MS4A8: variants seen among roughly 807,000 people sequenced by gnomAD.
The protein encoded by MS4A8 is membrane-spanning 4-domains subfamily A member 8.
A neutral mutation model predicts 23.7 loss-of-function variants in MS4A8; 27 were observed. That is an observed-to-expected ratio of 1.14 (90% CI 0.84 to 1.57). The LOEUF is 1.57. MS4A8 is among the 40% of genes most tolerant of loss of function. MS4A8 has a pLI of 0.00. For synonymous variants in MS4A8, 138 were observed against 126.3 expected (o/e 1.09, Z -0.62); for missense variants, 301 against 311.4 (o/e 0.97, Z 0.25).
rs200488492 is a variant in MS4A8, at chr11:60,703,408, A to G, written c.250A>G (p.Ile84Val). Residue 84 changes from isoleucine to valine, a missense_variant, in exon 3 of 7, where the codon ATC becomes GTC. Transcript: ENST00000300226. ...AIQIIIGLAHIGLGSIMATVL... is the reference protein window; with the variant it reads ...AIQIIIGLAHVGLGSIMATVL... ...CCAGATCATCATTGGCCTGGCTCAC[A>G]TCGGCCTCGGCTCCATCATGGCGAC... The G allele has an allele frequency of 6.9e-6, 11 of 1,602,400 alleles. No homozygotes were observed. In the East Asian group the frequency reaches 2.5e-4, roughly 37 times the overall value.
intron 5 of MS4A8, among the ~76,000 whole-genome samples, chr11:60,710,302 A>G (rs1034157112): frequency 4.6e-4 from 70 of 152,140 alleles, no homozygotes; most frequent in African/African-American, 1.7e-3. Context: ...CCAATGGTCA[A>G]CTCAATAGCT....
Position 60,715,098 on chromosome 11 carries a change from CT to C in MS4A8, c.615del (p.Phe205LeufsTer13). The C allele has an allele frequency of 6.2e-7, 1 of 1,614,168 alleles. No homozygotes were observed. Among genetic ancestry groups the C allele is most frequent in the Non-Finnish European group, 8.5e-7 (1 of 1,180,008 alleles). ...TTGGCATCGCATGCGCATCTTCCCA[CT>C]TTGGCTGCCAGTTGGTCTGCTGTCA... ...EFGIACASSH[F>X]GCQLVCCQSS... On this transcript the variant is annotated frameshift_variant, in exon 6 of 7. Transcript: ENST00000300226. LOFTEE classifies it low-confidence loss of function (END_TRUNC).
At chr11:60,710,777 C>G (rs1257053063) in intron 5 of MS4A8, among the ~76,000 whole-genome samples, 1 of 152,222 alleles carries the variant, frequency 6.6e-6, no homozygotes, top group East Asian at 1.9e-4. Flanking sequence ...CCCCCCGCCC[C>G]TGGCTCTGCT....
intron 5 of MS4A8, among the ~76,000 whole-genome samples, chr11:60,711,314 T>A (rs1242451363): frequency 2.6e-5 from 4 of 152,182 alleles, no homozygotes; most frequent in Admixed American, 2.6e-4. Context: ...CCAGATCCTT[T>A]TATCTTCAAG....
rs534071402 is a variant in MS4A8 at position 60,713,610 on chromosome 11, A to G, written c.535-1411A>G. Among the ~76,000 whole-genome samples the G allele has an allele frequency of 3.9e-5, 6 of 152,264 alleles. No individual in the cohort carries two copies. In the East Asian group the frequency reaches 7.7e-4, roughly 20 times the overall value. On this transcript the variant is annotated intron_variant, in intron 5 of 6. Transcript: ENST00000300226. ...AATATACAATGGACTTTACACCGAGACATTCCATTGCCCAGAGACGAGCAG... is the reference window on the plus strand; with the variant it reads ...AATATACAATGGACTTTACACCGAGGCATTCCATTGCCCAGAGACGAGCAG...
intron 4 of MS4A8, among the ~76,000 whole-genome samples, chr11:60,708,008 T>G (rs192911122): frequency 2.0e-5 from 3 of 151,460 alleles, no homozygotes; most frequent in Non-Finnish European, 4.4e-5. Flanking sequence ...TATTGTATTT[T>G]TTGTATTTTT....
Position 60,715,557 on chromosome 11 carries a change from A to G in MS4A8, c.*143A>G, listed in dbSNP as rs774679907. On this transcript the variant is annotated 3_prime_UTR_variant, in exon 7 of 7. Transcript: ENST00000300226. ...TTTGTACTCTCACCTTCATTCTTCAATTCAGTCTAGGAAACCATGCTGTTT... is the reference window on the plus strand; with the variant it reads ...TTTGTACTCTCACCTTCATTCTTCAGTTCAGTCTAGGAAACCATGCTGTTT... The G allele has an allele frequency of 9.7e-5, 62 of 636,344 alleles. No individual in the cohort carries two copies. Among genetic ancestry groups the G allele is most frequent in the Non-Finnish European group, 1.5e-4 (53 of 364,688 alleles). 39.4% of individuals were successfully genotyped at this position (636,344 alleles called of 1,614,324 possible). A position where few individuals can be genotyped will look rare whatever the true frequency, so the allele number is the denominator to read the frequency against.
chr11:60,701,136 G>A, intron 2 of MS4A8, 57 bp downstream of exon 2: 1 of 1,511,486 alleles, frequency 6.6e-7, no homozygotes, highest in Non-Finnish European at 9.2e-7. Context: ...GATGGCAGGG[G>A]GAAGGGAAGG....
At chr11:60,707,560 T>C (rs1348446985) in intron 4 of MS4A8, among the ~76,000 whole-genome samples, 1 of 152,286 alleles carries the variant, frequency 6.6e-6, no homozygotes, top group East Asian at 1.9e-4. Flanking sequence ...GACCAAGAAA[T>C]ACCTTCATTT....
In MS4A8 at chr11:60,713,911, T is replaced by TAACAAGCGTGCTGCCTTCAAGCA. The variant is rs1565054187; in HGVS notation, c.535-1110_535-1109insAACAAGCGTGCTGCCTTCAAGCA. On this transcript the variant is annotated intron_variant, in intron 5 of 6. Transcript: ENST00000300226. Reference sequence around the variant, plus strand: ...GAGATTAGGGAGTGGTGATGACTCTTTTTTTTTTTTTTTTTTTTTTTTTTG... The same window carrying TAACAAGCGTGCTGCCTTCAAGCA: ...GAGATTAGGGAGTGGTGATGACTCTTAACAAGCGTGCTGCCTTCAAGCATTTTTTTTTTTTTTTTTTTTTTTTG... Among the ~76,000 whole-genome samples the TAACAAGCGTGCTGCCTTCAAGCA allele has an allele frequency of 1.5e-3, 171 of 114,618 alleles. 2 individuals are homozygous for TAACAAGCGTGCTGCCTTCAAGCA. The highest frequency in any genetic ancestry group is 6.6e-3 in the African/African-American group (162 of 24,402). 75.2% of individuals were successfully genotyped at this position (114,618 alleles called of 152,430 possible). A position where few individuals can be genotyped will look rare whatever the true frequency, so the allele number is the denominator to read the frequency against.
Position 60,715,294 on chromosome 11 carries a change from T to C in MS4A8, c.649-16T>C, listed in dbSNP as rs1217708107. ...CGTCCTTCTTAGCATGCCCCCTGTG[T>C]GCCTGTGTTTTCCAGGTGAGTGTCA... is the stretch of plus-strand genomic sequence containing the variant. On this transcript the variant is annotated splice_polypyrimidine_tract_variant and intron_variant, in intron 6 of 6. Coordinates refer to ENST00000300226, the MANE Select transcript of MS4A8 (RefSeq NM_031457.2). 3 of 1,611,020 alleles carry C rather than the reference T, an allele frequency of 1.9e-6. No individual in the cohort carries two copies. Among genetic ancestry groups the C allele is most frequent in the African/African-American group, 2.7e-5 (2 of 74,856 alleles).
At chr11:60,715,172 C>T (rs1188347251) in intron 6 of MS4A8, 38 bp downstream of exon 6, 1 of 1,551,366 alleles carries the variant, frequency 6.4e-7, no homozygotes, top group Admixed American at 1.7e-5. Flanking sequence ...GAAAGATGCC[C>T]CCAAAAAGGT....
At chr11:60,701,674 G>C (rs1052328889) in intron 2 of MS4A8, 2 of 171,938 alleles carry the variant, frequency 1.2e-5, no homozygotes, top group Non-Finnish European at 2.5e-5. Flanking sequence ...AGGGAAATTT[G>C]TATCTGCCAA....
chr11:60,713,941 G>A (rs1409485788), intron 5 of MS4A8, among the ~76,000 whole-genome samples: 9 of 126,656 alleles, frequency 7.1e-5, no homozygotes, highest in South Asian at 2.4e-4. Context: ...TTTTTGAGAC[G>A]GAGTCTCGCT....
chr11:60,703,289 A>G, intron 2 of MS4A8, 89 bp from the exon 3 acceptor site: 7 of 1,378,906 alleles, frequency 5.1e-6, no homozygotes, highest in Non-Finnish European at 6.7e-6. Context: ...CCATGAAAAT[A>G]AAACATTTAT....
At chr11:60,709,155 G>A (rs952467844) in intron 5 of MS4A8, 4 of 254,220 alleles carry the variant, frequency 1.6e-5, no homozygotes, top group East Asian at 1.2e-4. Context: ...AGCAGTTAAG[G>A]TTTTGCAGGC....
chr11:60,715,174 C>T (rs2088332447), intron 6 of MS4A8, 40 bp downstream of exon 6: 1 of 1,546,946 alleles, frequency 6.5e-7, no homozygotes, highest in Non-Finnish European at 8.9e-7. Flanking sequence ...AAGATGCCCC[C>T]AAAAAGGTGG....
intron 3 of MS4A8, among the ~76,000 whole-genome samples, chr11:60,706,079 T>C (rs899033723): frequency 2.0e-5 from 3 of 152,198 alleles, no homozygotes; most frequent in Middle Eastern, 3.2e-3. Context: ...CTAACTTACA[T>C]TGTAGTGATG....
chr11:60,711,202 C>T (rs561983892), intron 5 of MS4A8, among the ~76,000 whole-genome samples: 7 of 152,192 alleles, frequency 4.6e-5, no homozygotes, highest in South Asian at 2.1e-4. Flanking sequence ...GTCTGGCACA[C>T]GGTTGACACT....
Sources: gnomAD v4.1 joint callset for allele counts (sites outside exome capture counted in the v4.1 genomes callset) on GRCh38, gnomAD v4.1.1 for gene constraint, MANE v1.5 for transcripts, NCBI Gene and HGNC (gene_info 2026-07-23, HGNC 2026-07-21) for gene names.